The following TYK2 variants were observed in gnomAD, a reference collection of about 807,000 sequenced individuals.
TYK2 encodes the protein tyrosine kinase 2, also known as non-receptor tyrosine-protein kinase TYK2.
Under a neutral mutation model 130.9 loss-of-function variants are expected in TYK2, and 65 were observed. The ratio of observed to expected loss-of-function variants is 0.50; its 90% CI spans 0.41 to 0.61. TYK2 has a LOEUF of 0.61. Among genes scored for constraint, TYK2 ranks in the 20% least tolerant of loss-of-function variants. The pLI is 0.00. For synonymous variants in TYK2, 647 were observed against 658.9 expected (o/e 0.98, Z 0.28); for missense variants, 1,378 against 1,610.7 (o/e 0.86, Z 2.47).
At chr19:10,368,895 G>A (rs367921393) in intron 3 of TYK2, among the ~76,000 whole-genome samples, 32 of 150,944 alleles carry the variant, frequency 2.1e-4, no homozygotes, top group Non-Finnish European at 3.7e-4. Context: ...TGCAACTTCC[G>A]CCTCCTGGGT....
Position 10,350,827 on chromosome 19 carries a change from T to C in TYK2, c.*7A>G, listed in dbSNP as rs1434201579. The C allele has an allele frequency of 3.1e-6, 5 of 1,612,906 alleles. No individual in the cohort carries two copies. The highest frequency in any genetic ancestry group is 1.1e-5 in the South Asian group (1 of 91,028). On this transcript the variant is annotated 3_prime_UTR_variant, in exon 25 of 25. Transcript: ENST00000525621. ...CCAGTCCTCCCAGGCAGGGCTGCCA[T>C]TGTGCCTCAGCACACGCTGAACACT... is the stretch of plus-strand genomic sequence containing the variant.
In TYK2 at chr19:10,358,270, T is replaced by G. The variant is rs990562951; in HGVS notation, c.2176-132A>C. 18 of 886,592 alleles carry G rather than the reference T, an allele frequency of 2.0e-5. No homozygotes were observed. The Admixed American group carries it at 5.7e-4, about 28-fold the overall frequency. The allele number at this position is 886,592 out of a possible 1,614,324, so 54.9% of individuals were successfully genotyped here. On this transcript the variant is annotated intron_variant, in intron 15 of 24. Coordinates refer to ENST00000525621, the MANE Select transcript of TYK2 (RefSeq NM_003331.5). ...ATCACTGGGTTTCTTTCTGTTTTGTTTTTTGGGGGGTTATTTTTTTCTTGT... is the reference window on the plus strand; with the variant it reads ...ATCACTGGGTTTCTTTCTGTTTTGTGTTTTGGGGGGTTATTTTTTTCTTGT...
Position 10,353,695 on chromosome 19 carries a change from G to C in TYK2, c.2909-49C>G. The C allele has an allele frequency of 7.4e-7, 1 of 1,356,524 alleles. No homozygotes were observed. The highest frequency in any genetic ancestry group is 2.7e-5 in the Admixed American group (1 of 37,668). 84.0% of individuals were successfully genotyped at this position (1,356,524 alleles called of 1,614,324 possible). On this transcript the variant is annotated intron_variant, in intron 20 of 24. Transcript: ENST00000525621. This position sits in a 1 kb window ranked among gnomAD's most constrained non-coding sequence, Gnocchi z 6.9. ...GGTGGGGGACGATAGAGGGCGGGCC[G>C]GGGACCGCCTACCTTGAGCCCAGCA...
chr19:10,362,124 AGG>A lies in TYK2; in HGVS notation c.1725_1726del (p.Leu576GlnfsTer9). 1 of 1,614,012 alleles carries A rather than the reference AGG, an allele frequency of 6.2e-7. No homozygotes were observed. Among genetic ancestry groups the A allele is most frequent in the Non-Finnish European group, 8.5e-7 (1 of 1,180,000 alleles). On this transcript the variant is annotated frameshift_variant, in exon 12 of 25. Coordinates refer to ENST00000525621, the MANE Select transcript of TYK2 (RefSeq NM_003331.5). LOFTEE classifies it high-confidence loss of function. ...AACCCGGTGGAAGCTGAGCTGGCTGAGGTTGAGTGTCCTGGGGCTGGCCCGAG... is the reference window on the plus strand; with the variant it reads ...AACCCGGTGGAAGCTGAGCTGGCTGATTGAGTGTCCTGGGGCTGGCCCGAG...
intron 14 of TYK2, 68 bp from the exon 15 acceptor site, chr19:10,359,370 G>C (rs1301810217): frequency 1.9e-6 from 3 of 1,574,808 alleles, no homozygotes; most frequent in Non-Finnish European, 1.7e-6. Flanking sequence ...GGAATTGGGG[G>C]AGACGCCAGG....
chr19:10,351,434 C>T, intron 23 of TYK2: 1 of 391,892 alleles, frequency 2.6e-6, no homozygotes, highest in Non-Finnish European at 4.9e-6. Flanking sequence ...TTGCAGTGAG[C>T]CGAGATTGTG....
rs1206433575 is a variant in TYK2, at chr19:10,361,538, G to A, written c.2020C>T (p.His674Tyr). The A allele has an allele frequency of 6.5e-7, 1 of 1,547,234 alleles. No individual in the cohort carries two copies. The highest frequency in any genetic ancestry group is 1.2e-5 in the South Asian group (1 of 84,062). ...QVSHTHLAFVHGVCVRGPENI... is the reference protein window; with the variant it reads ...QVSHTHLAFVYGVCVRGPENI... Reference sequence around the variant, plus strand: ...TCAGGGCCGCGCACACAGACGCCATGCACGAAGGCCAGGTGCGTGTGGGAG... The same window carrying A: ...TCAGGGCCGCGCACACAGACGCCATACACGAAGGCCAGGTGCGTGTGGGAG... The change falls in exon 14 of 25, where the codon CAT (histidine) becomes TAT (tyrosine). Residue 674 changes from histidine (H) to tyrosine (Y), a missense_variant. His to Tyr is a moderately conservative substitution (Grantham distance 83). Coordinates refer to ENST00000525621, the MANE Select transcript of TYK2 (RefSeq NM_003331.5). The surrounding 1 kb of genome is among the most constrained non-coding windows in gnomAD (Gnocchi z 4.0).
intron 9 of TYK2, among the ~76,000 whole-genome samples, chr19:10,363,612 C>A (rs575540895): frequency 6.6e-6 from 1 of 152,132 alleles, no homozygotes; most frequent in Non-Finnish European, 1.5e-5. Flanking sequence ...GGGTGACACA[C>A]GGTGGATGGC....
chr19:10,366,792 C>T (rs1403448210), intron 5 of TYK2, among the ~76,000 whole-genome samples: 5 of 151,316 alleles, frequency 3.3e-5, no homozygotes, highest in Admixed American at 3.3e-4. Flanking sequence ...CGCCTATAAT[C>T]CCAGCACTTT....
chr19:10,368,366 T>C lies in TYK2; in HGVS notation c.246A>G (p.Gln82=). ...GGATGTGGTTTGGGGGCAACCAGAC[T>C]TGGGCCTGAGCATCGAAGAGGGCAA... The part of the protein sequence containing the change: ...NLFALFDAQA[Q]VWLPPNHILE... Residue 82 remains glutamine (Q), a synonymous_variant, in exon 4 of 25, where the codon CAA becomes CAG. Transcript: ENST00000525621. 6.2e-7 allele frequency: 1 copy of C among 1,614,104 alleles called. No individual in the cohort carries two copies. The highest frequency in any genetic ancestry group is 8.5e-7 in the Non-Finnish European group (1 of 1,180,016).
In TYK2 at chr19:10,353,012, C is replaced by T; in HGVS notation, c.3114G>A (p.Lys1038=). 6.2e-7 allele frequency: 1 copy of T among 1,604,154 alleles called. No homozygotes were observed. ...NVLLDNDRLV[K]IGDFGLAKAV... ...CCTTGGCTAGGCCAAAGTCCCCGAT[C>T]TTGACCAGCCTGTCGTTGTCCAGCA... Residue 1038 remains lysine (K), a synonymous_variant, in exon 22 of 25, where the codon AAG becomes AAA. Transcript: ENST00000525621. This position sits in a 1 kb window ranked among gnomAD's most constrained non-coding sequence, Gnocchi z 6.9.
chr19:10,353,285 G>C lies in TYK2; in HGVS notation c.3028-187C>G. On this transcript the variant is annotated intron_variant, in intron 21 of 24. Transcript: ENST00000525621. The surrounding 1 kb of genome is among the most constrained non-coding windows in gnomAD (Gnocchi z 6.9). Reference sequence around the variant, plus strand: ...GGCTGAGCCAGAAAGCAGGGACGGGGCTAGACGAGCAAAGCTGGGCAGGAG... The same window carrying C: ...GGCTGAGCCAGAAAGCAGGGACGGGCCTAGACGAGCAAAGCTGGGCAGGAG... The C allele has an allele frequency of 1.7e-6, 1 of 593,608 alleles. No homozygotes were observed. Among genetic ancestry groups the C allele is most frequent in the South Asian group, 2.6e-5 (1 of 38,610 alleles). 36.8% of individuals were successfully genotyped at this position (593,608 alleles called of 1,614,324 possible). A position where few individuals can be genotyped will look rare whatever the true frequency, so the allele number is the denominator to read the frequency against.
chr19:10,374,166 T>C (rs1422742956), intron 3 of TYK2, among the ~76,000 whole-genome samples: 1 of 151,976 alleles, frequency 6.6e-6, no homozygotes, highest in Non-Finnish European at 1.5e-5. Context: ...CTCGGGAGGC[T>C]GAGGCAGGAG....
rs765558684 is a variant in TYK2, at chr19:10,350,814, G to C, written c.*20C>G. 10 of 1,612,302 alleles carry C rather than the reference G, an allele frequency of 6.2e-6. No individual in the cohort carries two copies. The South Asian group carries it at 1.1e-4, about 18-fold the overall frequency. On this transcript the variant is annotated 3_prime_UTR_variant, in exon 25 of 25. Coordinates refer to ENST00000525621, the MANE Select transcript of TYK2 (RefSeq NM_003331.5). ...GCCACTGCCTGGTCCAGTCCTCCCA[G>C]GCAGGGCTGCCATTGTGCCTCAGCA...
At chr19:10,378,540 C>G in intron 2 of TYK2, 114 bp from the exon 3 acceptor site, 1 of 825,892 alleles carries the variant, frequency 1.2e-6, no homozygotes, top group Non-Finnish European at 1.9e-6. Context: ...GGGCTCCCAT[C>G]TTGGCATGAC....
Position 10,352,423 on chromosome 19 carries a change from C to CT in TYK2, c.3318+10dup, listed in dbSNP as rs751482411. 2.0e-5 allele frequency: 31 copies of CT among 1,581,872 alleles called. No homozygotes were observed. The highest frequency in any genetic ancestry group is 2.2e-5 in the Non-Finnish European group (25 of 1,151,312). On this transcript the variant is annotated intron_variant, in intron 23 of 24. Coordinates refer to ENST00000525621, the MANE Select transcript of TYK2 (RefSeq NM_003331.5). ...GCAAACTCCCGGTGGGGCTGCGGGC[C>CT]TGGCTCTCACCGTGGGGGGGCTCTG...
At position 10,353,630 on chromosome 19, in the gene TYK2, C is replaced by A; in HGVS notation, c.2925G>T (p.Gln975His). 1 of 1,473,584 alleles carries A rather than the reference C, an allele frequency of 6.8e-7. No individual in the cohort carries two copies. The highest frequency in any genetic ancestry group is 9.0e-7 in the Non-Finnish European group (1 of 1,111,842). 91.3% of individuals were successfully genotyped at this position (1,473,584 alleles called of 1,614,324 possible). ...CCAGGGGCACGTACTCCATGACCAG[C>A]TGCAGCGACTTCTCGCCTGCCGCGG... ...CCEDQGEKSL[Q>H]LVMEYVPLGS... Residue 975 changes from glutamine (Q) to histidine (H), a missense_variant, in exon 21 of 25, where the codon CAG becomes CAT. Physicochemically the swap from Gln to His is conservative, Grantham distance 24. Transcript: ENST00000525621. This position sits in a 1 kb window ranked among gnomAD's most constrained non-coding sequence, Gnocchi z 6.9.
intron 2 of TYK2, 157 bp from the exon 3 acceptor site, chr19:10,378,583 T>G: frequency 1.6e-6 from 1 of 634,428 alleles, no homozygotes; most frequent in Non-Finnish European, 2.8e-6. Context: ...TGAGTCTCGT[T>G]TTCCACATTT....
chr19:10,357,886 CG>C lies in TYK2; in HGVS notation c.2343del (p.Glu782AsnfsTer10). The C allele has an allele frequency of 6.2e-7, 1 of 1,613,478 alleles. No individual in the cohort carries two copies. The highest frequency in any genetic ancestry group is 2.2e-5 in the East Asian group (1 of 44,888). On this transcript the variant is annotated frameshift_variant, in exon 17 of 25. Coordinates refer to ENST00000525621, the MANE Select transcript of TYK2 (RefSeq NM_003331.5). LOFTEE classifies it high-confidence loss of function. The stretch of plus-strand genomic sequence containing the variant: ...CTGTTGGCCCCACCTGGTAGGCATT[CG>C]GGGGCCAGCCAGGGGATCCTCTCCA... ...ERVERIPWLA[P>X]ECLPGGANSL...
Sources: gnomAD v4.1 joint callset for allele counts (sites outside exome capture counted in the v4.1 genomes callset) on GRCh38, gnomAD v4.1.1 for gene constraint, Gnocchi (gnomAD v3.1) non-coding constraint, MANE v1.5 for transcripts, NCBI Gene and HGNC (gene_info 2026-07-23, HGNC 2026-07-21) for gene names.